ZNF385D: variants seen among roughly 807,000 people sequenced by gnomAD.
The protein encoded by ZNF385D is zinc finger protein 659.
A neutral mutation model predicts 35.8 loss-of-function variants in ZNF385D; 15 were observed. The observed-to-expected ratio is 0.42, with a 90% CI of 0.28 to 0.64. The LOEUF (loss-of-function observed/expected upper bound fraction) is 0.64, where lower values mean the gene tolerates loss of function less well. Among genes scored for constraint, ZNF385D ranks in the 30% least tolerant of loss-of-function variants. The probability of loss-of-function intolerance (pLI) is 0.23; values close to 1 mark genes in which losing one functional copy is unlikely to be tolerated. For missense variants in ZNF385D, 474 were observed against 494.6 expected, an observed-to-expected ratio of 0.96 and a Z score of 0.39; for synonymous variants, 212 against 186.8, an observed-to-expected ratio of 1.13 and a Z score of -1.10.
chr3:21,670,466 A>C (rs1484932006), intron 1 of ZNF385D, among the ~76,000 whole-genome samples: 2 of 151,888 alleles, frequency 1.3e-5, no homozygotes, highest in Non-Finnish European at 2.9e-5. Context: ...AGAATTATTC[A>C]AATCCATTTT....
intron 3 of ZNF385D, among the ~76,000 whole-genome samples, chr3:21,515,455 T>A (rs147978920): frequency 2.0e-5 from 3 of 152,210 alleles, no homozygotes; most frequent in African/African-American, 7.2e-5. Context: ...GCCTTTTTAG[T>A]TTGTGATGTC....
chr3:22,002,324 A>T (rs953454005), intron 3 of ZNF385D, among the ~76,000 whole-genome samples: 1 of 152,174 alleles, frequency 6.6e-6, no homozygotes, highest in South Asian at 2.1e-4. Flanking sequence ...GTATATGCTA[A>T]CAAATTGGAA....
chr3:21,735,192 A>T (rs2069189267), intron 1 of ZNF385D, among the ~76,000 whole-genome samples: 1 of 152,174 alleles, frequency 6.6e-6, no homozygotes, highest in Non-Finnish European at 1.5e-5. Context: ...TCTATATGAC[A>T]TTGGAAAAGT....
At position 22,298,374 on chromosome 3, in the gene ZNF385D, A is replaced by ATGTGTGTG. The variant is rs372178423; in HGVS notation, c.106+74068_106+74075dup. ...AGGAGAAGAGGAGAAAGCAGTATGT[A>ATGTGTGTG]TGTGTGTGTGTGTGTGTGTGTATAT... On this transcript the variant is annotated intron_variant, in intron 2 of 5. Transcript: ENST00000494108. 3.1e-3 allele frequency among the ~76,000 whole-genome samples: 442 copies of ATGTGTGTG among 143,810 alleles called. 10 individuals carry two copies. Among genetic ancestry groups the ATGTGTGTG allele is most frequent in the African/African-American group, 9.9e-3 (388 of 39,214 alleles). 94.3% of individuals were successfully genotyped at this position (143,810 alleles called of 152,430 possible).
At chr3:21,983,564 T>C (rs62248412) in intron 3 of ZNF385D, among the ~76,000 whole-genome samples, 17,771 of 142,782 alleles carry the variant, frequency 0.12, 1,093 homozygotes, top group Middle Eastern at 0.22. Flanking sequence ...CAGTCTATCA[T>C]TGTTGGACAT....
rs1459652471 is a variant in ZNF385D at position 21,646,764 on chromosome 3, T to G, written c.165+18122A>C. Among the ~76,000 whole-genome samples the G allele has an allele frequency of 6.6e-6, 1 of 152,184 alleles. No individual in the cohort carries two copies. The highest frequency in any genetic ancestry group is 1.5e-5 in the Non-Finnish European group (1 of 68,026). ...TTCCTTATATCATCTGGGAATGTAT[T>G]AAACCTGCATTCTGGGCCTATGGCT... On this transcript the variant is annotated intron_variant, in intron 2 of 7. Coordinates refer to ENST00000281523, the MANE Select transcript of ZNF385D (RefSeq NM_024697.3). The surrounding 1 kb of genome is among the most constrained non-coding windows in gnomAD (Gnocchi z 4.3).
intron 3 of ZNF385D, among the ~76,000 whole-genome samples, chr3:21,835,054 T>C (rs1435008480): frequency 6.6e-6 from 1 of 152,122 alleles, no homozygotes; most frequent in Non-Finnish European, 1.5e-5. Context: ...GGAACAGCTC[T>C]AGCCCTAAAT....
chr3:21,474,307 G>A (rs983220758), intron 4 of ZNF385D, among the ~76,000 whole-genome samples: 9 of 152,082 alleles, frequency 5.9e-5, no homozygotes, highest in African/African-American at 2.2e-4. Flanking sequence ...TATACACCTT[G>A]TGAGGACTGT....
chr3:21,424,761 A>C (rs1450111467), intron 6 of ZNF385D, among the ~76,000 whole-genome samples: 1 of 151,506 alleles, frequency 6.6e-6, no homozygotes, highest in Non-Finnish European at 1.5e-5. Context: ...GCAAATAAAC[A>C]AAGATGCCCA....
chr3:22,114,362 G>A (rs1576344132), intron 3 of ZNF385D, among the ~76,000 whole-genome samples: 1 of 151,994 alleles, frequency 6.6e-6, no homozygotes, highest in Non-Finnish European at 1.5e-5. Context: ...CCTAAATAAA[G>A]GCATGATTTA....
At chr3:21,976,765 T>C (rs916952911) in intron 3 of ZNF385D, among the ~76,000 whole-genome samples, 4 of 152,298 alleles carry the variant, frequency 2.6e-5, no homozygotes, top group African/African-American at 9.6e-5. Flanking sequence ...AGCCAAGGCA[T>C]GCAGATCATG....
chr3:21,717,006 G>A (rs547585311), intron 1 of ZNF385D, among the ~76,000 whole-genome samples: 3 of 152,130 alleles, frequency 2.0e-5, no homozygotes, highest in South Asian at 4.2e-4. Flanking sequence ...GGTGATGTGC[G>A]CCTGTAGTCC....
At chr3:21,489,130 A>T (rs1299583320) in intron 4 of ZNF385D, among the ~76,000 whole-genome samples, 1 of 152,090 alleles carries the variant, frequency 6.6e-6, no homozygotes, top group Non-Finnish European at 1.5e-5. Flanking sequence ...CTGGCAGTTG[A>T]TAGACTAACA....
intron 3 of ZNF385D, among the ~76,000 whole-genome samples, chr3:22,060,125 C>T (rs1053354204): frequency 1.1e-4 from 16 of 152,162 alleles, no homozygotes; most frequent in African/African-American, 3.9e-4. Context: ...AGGAGTTACA[C>T]CCTTAACTCC....
intron 3 of ZNF385D, among the ~76,000 whole-genome samples, chr3:22,041,414 G>A (rs1352495231): frequency 6.6e-6 from 1 of 152,066 alleles, no homozygotes; most frequent in African/African-American, 2.4e-5. Context: ...AAGAAAATCA[G>A]TCAGAAATCA....
At chr3:21,609,506 C>A (rs972581613) in intron 2 of ZNF385D, among the ~76,000 whole-genome samples, 3 of 152,080 alleles carry the variant, frequency 2.0e-5, no homozygotes, top group African/African-American at 7.2e-5. Flanking sequence ...GAAAATGTTG[C>A]CAAATAAATT....
At chr3:21,795,452 G>A (rs752503550) in intron 3 of ZNF385D, among the ~76,000 whole-genome samples, 1 of 152,246 alleles carries the variant, frequency 6.6e-6, no homozygotes, top group Non-Finnish European at 1.5e-5. Flanking sequence ...AATGGTAGCC[G>A]TGTGCAAAAG....
At chr3:21,939,374 A>C (rs1701408871) in intron 3 of ZNF385D, among the ~76,000 whole-genome samples, 1 of 152,190 alleles carries the variant, frequency 6.6e-6, no homozygotes, top group African/African-American at 2.4e-5. Flanking sequence ...TCAGAAGGTA[A>C]GAGTGGTGAA....
intron 3 of ZNF385D, among the ~76,000 whole-genome samples, chr3:22,036,322 G>C (rs1698312995): frequency 6.6e-6 from 1 of 152,128 alleles, no homozygotes; most frequent in Non-Finnish European, 1.5e-5. Flanking sequence ...ATGCAGACTG[G>C]TAGCTGTGAC....
Sources: allele counts gnomAD v4.1 joint callset (sites outside exome capture counted in the v4.1 genomes callset), GRCh38; gene constraint gnomAD v4.1.1; non-coding constraint Gnocchi (gnomAD v3.1); transcripts MANE v1.5; gene names NCBI Gene and HGNC (gene_info 2026-07-23, HGNC 2026-07-21).